NCKAP5: variants seen among roughly 807,000 people sequenced by gnomAD.
The protein encoded by NCKAP5 is NCK associated protein 5, also known as nck-associated protein 5.
A neutral mutation model predicts 167.0 loss-of-function variants in NCKAP5; 92 were observed. The observed-to-expected ratio is 0.55, with a 90% CI of 0.47 to 0.66. The LOEUF is 0.66. Among genes scored for constraint, NCKAP5 ranks in the 30% least tolerant of loss-of-function variants. The pLI is 0.00. For synonymous variants in NCKAP5, 891 were observed against 877.4 expected, an observed-to-expected ratio of 1.02 and a Z score of -0.27; for missense variants, 2,378 against 2,315.0, an observed-to-expected ratio of 1.03 and a Z score of -0.56.
chr2:133,524,610 G>A (rs570288468), intron 2 of NCKAP5, among the ~76,000 whole-genome samples: 3 of 152,048 alleles, frequency 2.0e-5, no homozygotes, highest in Non-Finnish European at 2.9e-5. Context: ...CCAAACCCAC[G>A]ACCTCCTTTC....
intron 4 of NCKAP5, among the ~76,000 whole-genome samples, chr2:133,214,500 T>C (rs1375951372): frequency 6.6e-6 from 1 of 152,226 alleles, no homozygotes; most frequent in Non-Finnish European, 1.5e-5. Context: ...AGATTATTTA[T>C]TTATTTTAGT....
At position 133,227,209 on chromosome 2, in the gene NCKAP5, T is replaced by G. The variant is rs139448632; in HGVS notation, c.144-13430A>C. Among the ~76,000 whole-genome samples, 357 of 152,350 alleles carry G rather than the reference T, an allele frequency of 2.3e-3. 2 individuals are homozygous for G. The highest frequency in any genetic ancestry group is 8.2e-3 in the African/African-American group (342 of 41,576). ...AGGAACTTCTTCAACATGCCATTTC[T>G]CAAGAGTTGAAGATGACTATATGAA... On this transcript the variant is annotated intron_variant, in intron 4 of 19. Coordinates refer to ENST00000409261, the MANE Select transcript of NCKAP5 (RefSeq NM_207363.3).
chr2:133,460,052 G>T (rs1435998119), intron 3 of NCKAP5, among the ~76,000 whole-genome samples: 1 of 152,112 alleles, frequency 6.6e-6, no homozygotes, highest in Non-Finnish European at 1.5e-5. Flanking sequence ...TAGAAAAAAG[G>T]TGCTATTTGT....
chr2:132,785,469 C>T lies in NCKAP5; in HGVS notation c.1342G>A (p.Glu448Lys). ...SPGIKSSSLKEYPPCKTADLG... is the reference protein window; with the variant it reads ...SPGIKSSSLKKYPPCKTADLG... ...TCAGCTGTTTTGCAGGGGGGATACT[C>T]CTTGAGGCTGCTACTTTTAATTCCA... is the stretch of plus-strand genomic sequence containing the variant. Residue 448 changes from glutamate to lysine, a missense_variant, in exon 14 of 20, where the codon GAG (glutamate) becomes AAG (lysine). By Grantham distance (56) the Glu-to-Lys change is moderately conservative. Around this residue, in one of 3 missense-constraint regions of NCKAP5, gnomAD observed 1,049 missense variants for 1,023.4 expected, o/e 1.02. Coordinates refer to ENST00000409261, the MANE Select transcript of NCKAP5 (RefSeq NM_207363.3). 1 of 1,613,496 alleles carries T rather than the reference C, an allele frequency of 6.2e-7. No individual in the cohort carries two copies.
At chr2:133,410,188 T>G (rs1359736582) in intron 3 of NCKAP5, among the ~76,000 whole-genome samples, 1 of 152,216 alleles carries the variant, frequency 6.6e-6, no homozygotes, top group Admixed American at 6.5e-5. Context: ...TTTAACCATC[T>G]ACTACACATT....
intron 2 of NCKAP5, among the ~76,000 whole-genome samples, chr2:133,539,033 C>T (rs961122974): frequency 3.3e-5 from 5 of 149,650 alleles, no homozygotes; most frequent in East Asian, 2.0e-4. Flanking sequence ...CTCCGCCTCC[C>T]GGGTTCACGC....
chr2:132,827,022 G>A (rs897535250), intron 11 of NCKAP5, among the ~76,000 whole-genome samples: 1 of 152,114 alleles, frequency 6.6e-6, no homozygotes, highest in African/African-American at 2.4e-5. Context: ...TACGTGAAAA[G>A]GGAAGAAAAG....
intron 19 of NCKAP5, among the ~76,000 whole-genome samples, chr2:132,690,569 G>T (rs1046029849): frequency 6.6e-6 from 1 of 152,116 alleles, no homozygotes; most frequent in African/African-American, 2.4e-5. Context: ...GGATAAAGTT[G>T]GTTTCTTTAT....
At chr2:133,515,205 A>G (rs957817559) in intron 3 of NCKAP5, among the ~76,000 whole-genome samples, 1 of 152,220 alleles carries the variant, frequency 6.6e-6, no homozygotes, top group African/African-American at 2.4e-5. Flanking sequence ...AATGGTTCCC[A>G]TTCCCAAAGA....
the NCKAP5 span, among the ~76,000 whole-genome samples, chr2:133,604,572 C>T: frequency 2.6e-5 from 4 of 152,090 alleles, no homozygotes; most frequent in African/African-American, 9.7e-5. Flanking sequence ...TTCCCCTTGT[C>T]TTACTGTACT....
intron 6 of NCKAP5, among the ~76,000 whole-genome samples, chr2:133,115,775 G>GTATATATA (rs10683280): frequency 0.017 from 1,639 of 93,896 alleles, 33 homozygotes; most frequent in Middle Eastern, 0.037. Context: ...ATGTGTGTGT[G>GTATATATA]TATATATATA....
chr2:132,973,333 C>G (rs2076888307), intron 7 of NCKAP5, among the ~76,000 whole-genome samples: 1 of 152,218 alleles, frequency 6.6e-6, no homozygotes, highest in South Asian at 2.1e-4. Context: ...GTCTATTCTT[C>G]TCCAGGGTAG....
intron 11 of NCKAP5, among the ~76,000 whole-genome samples, chr2:132,843,894 C>T (rs551477714): frequency 6.6e-6 from 1 of 152,092 alleles, no homozygotes; most frequent in Non-Finnish European, 1.5e-5. Flanking sequence ...AAATGTGATA[C>T]CAACTATTTC....
chr2:132,892,434 C>A (rs72992885), intron 8 of NCKAP5, among the ~76,000 whole-genome samples: 1 of 152,150 alleles, frequency 6.6e-6, no homozygotes, highest in African/African-American at 2.4e-5. Flanking sequence ...CATCCCCCAC[C>A]ACCAGATGTG....
intron 6 of NCKAP5, among the ~76,000 whole-genome samples, chr2:133,120,266 AC>A (rs1202682998): frequency 6.6e-6 from 1 of 152,198 alleles, no homozygotes; most frequent in Non-Finnish European, 1.5e-5. Context: ...TTCTTAAGAA[AC>A]ATTCTTAAAA....
chr2:133,129,698 C>T (rs2082531852), intron 6 of NCKAP5, among the ~76,000 whole-genome samples: 1 of 152,234 alleles, frequency 6.6e-6, no homozygotes, highest in African/African-American at 2.4e-5. Context: ...AGCCTACTGG[C>T]TGCAAAGCCA....
chr2:133,223,440 G>A (rs368561989), intron 4 of NCKAP5, among the ~76,000 whole-genome samples: 1 of 152,092 alleles, frequency 6.6e-6, no homozygotes, highest in Non-Finnish European at 1.5e-5. Context: ...TGACAATGTC[G>A]AGTGCCAGGT....
At chr2:133,267,653 ATTT>A (rs139560111) in intron 4 of NCKAP5, among the ~76,000 whole-genome samples, 1 of 151,478 alleles carries the variant, frequency 6.6e-6, no homozygotes, top group South Asian at 2.1e-4. Flanking sequence ...AGATTCGCAT[ATTT>A]TTTTTTCTTT....
chr2:132,946,717 C>T (rs751769676), intron 8 of NCKAP5, among the ~76,000 whole-genome samples: 21 of 152,018 alleles, frequency 1.4e-4, no homozygotes, highest in Non-Finnish European at 1.8e-4. Flanking sequence ...GGCAACATGA[C>T]GAAACCCTGT....
Sources: gnomAD v4.1 joint callset for allele counts (sites outside exome capture counted in the v4.1 genomes callset) on GRCh38, gnomAD v4.1.1 for gene constraint, gnomAD v4.1.1 regional missense constraint, MANE v1.5 for transcripts, NCBI Gene and HGNC (gene_info 2026-07-23, HGNC 2026-07-21) for gene names.